GCA: variants seen among roughly 807,000 people sequenced by gnomAD.
GCA encodes grancalcin, also known as grancalcin, EF-hand calcium-binding protein.
A neutral mutation model predicts 32.6 loss-of-function variants in GCA; 30 were observed. The ratio of observed to expected loss-of-function variants is 0.92; its 90% confidence interval spans 0.69 to 1.25. The LOEUF is 1.25. Among genes scored for constraint, GCA ranks in the 50% most tolerant of loss-of-function variants. GCA has a pLI of 0.00. For synonymous variants in GCA, 102 were observed against 84.6 expected (o/e 1.21, Z -1.13); for missense variants, 291 against 266.8 (o/e 1.09, Z -0.63).
chr2:162,364,217 AT>A (rs1312836748), downstream of GCA, among the ~76,000 whole-genome samples: 1 of 151,664 alleles, frequency 6.6e-6, no homozygotes. Context: ...GTATTATTGA[AT>A]CAAATTTCAT....
At chr2:162,375,084 C>A (rs1485788255), downstream of GCA, among the ~76,000 whole-genome samples, 1 of 152,156 alleles carries the variant, frequency 6.6e-6, no homozygotes, top group Non-Finnish European at 1.5e-5. Flanking sequence ...ATCCCAAAAT[C>A]TTTCCTTATT....
downstream of GCA, among the ~76,000 whole-genome samples, chr2:162,363,857 A>G (rs1331633797): frequency 6.6e-6 from 1 of 151,486 alleles, no homozygotes; most frequent in Non-Finnish European, 1.5e-5. Flanking sequence ...GCGAGTATTC[A>G]GGACTCAGGT....
At chr2:162,373,689 G>A, downstream of GCA, 1 of 1,421,858 alleles carries the variant, frequency 7.0e-7, no homozygotes, top group Non-Finnish European at 9.3e-7. Flanking sequence ...AGTAGGAAAA[G>A]ACAGTCTAAA....
At chr2:162,373,662 C>A, downstream of GCA, 2 of 1,481,036 alleles carry the variant, frequency 1.4e-6, no homozygotes, top group South Asian at 1.4e-5. Flanking sequence ...GGGATTCAAG[C>A]CTACAGAACA....
chr2:162,322,630 T>A (rs1378377486), intron 1 of GCA, among the ~76,000 whole-genome samples: 1 of 146,028 alleles, frequency 6.8e-6, no homozygotes, highest in Non-Finnish European at 1.5e-5. Context: ...ATTGTTCAAT[T>A]CCCACCTATG....
At chr2:162,338,365 G>T (rs1250672407) in intron 1 of GCA, among the ~76,000 whole-genome samples, 1 of 152,136 alleles carries the variant, frequency 6.6e-6, no homozygotes, top group Non-Finnish European at 1.5e-5. Context: ...TTGATGAAAC[G>T]ATTTTTAATT....
At chr2:162,325,195 A>G (rs150819770) in intron 1 of GCA, among the ~76,000 whole-genome samples, 3 of 152,266 alleles carry the variant, frequency 2.0e-5, no homozygotes, top group South Asian at 4.2e-4. Flanking sequence ...AAGGGAGGTA[A>G]CTGTTGTTGC....
chr2:162,344,274 G>A lies in GCA; in HGVS notation c.26G>A (p.Gly9Glu), dbSNP rs981859315. Residue 9 changes from glycine (G) to glutamate (E), a missense_variant and splice_region_variant, in exon 1 of 8, where the codon GGG becomes GAG. Coordinates refer to ENST00000437150, the MANE Select transcript of GCA (RefSeq NM_012198.5). ...ATGGCCTACCCGGGATACGGAGGAG[G>A]GGTGAGTCCCAGCCGCTTGGTCGTG... MAYPGYGG[G>E]FGNFSIQVPG... 1.9e-6 allele frequency: 3 copies of A among 1,613,694 alleles called. No individual in the cohort carries two copies. The highest frequency in any genetic ancestry group is 2.5e-6 in the Non-Finnish European group (3 of 1,179,850).
chr2:162,373,595 C>A, downstream of GCA: 1 of 1,576,918 alleles, frequency 6.3e-7, no homozygotes, highest in Non-Finnish European at 8.6e-7. Flanking sequence ...GCTGGGGGGA[C>A]CACAGTGGTT....
At chr2:162,367,897 A>G (rs1351907545), downstream of GCA, among the ~76,000 whole-genome samples, 1 of 152,014 alleles carries the variant, frequency 6.6e-6, no homozygotes, top group Non-Finnish European at 1.5e-5. Flanking sequence ...TTAGAGATTC[A>G]AGAAAAAGAC....
intron 2 of GCA, among the ~76,000 whole-genome samples, chr2:162,348,417 A>AT (rs1377338339): frequency 6.6e-6 from 1 of 152,132 alleles, no homozygotes; most frequent in African/African-American, 2.4e-5. Context: ...GAGAAATTAC[A>AT]TTTTTTTCAC....
chr2:162,340,622 C>T (rs991267778), upstream of GCA, among the ~76,000 whole-genome samples: 1 of 152,158 alleles, frequency 6.6e-6, no homozygotes, highest in Non-Finnish European at 1.5e-5. Context: ...CTCCGTATCA[C>T]AACCAGAGTA....
intron 1 of GCA, among the ~76,000 whole-genome samples, chr2:162,325,657 T>G (rs1683847805): frequency 6.6e-6 from 1 of 152,148 alleles, no homozygotes; most frequent in African/African-American, 2.4e-5. Flanking sequence ...CTCTTCCGGT[T>G]GGATAATGTT....
intron 5 of GCA, 91 bp downstream of exon 5, chr2:162,356,996 AG>A (rs769280690): frequency 4.1e-4 from 366 of 902,556 alleles, no homozygotes; most frequent in Non-Finnish European, 4.2e-4. Context: ...TAACTAATAA[AG>A]GGATGTATTT....
In GCA at chr2:162,352,722, T is replaced by C. The variant is rs78687150; in HGVS notation, c.262+315T>C. Reference sequence around the variant, plus strand: ...TGGATTTTATGATTATCTATTGATATCCTGCTATGAAAGATGAGGATTTCA... The same window carrying C: ...TGGATTTTATGATTATCTATTGATACCCTGCTATGAAAGATGAGGATTTCA... On this transcript the variant is annotated intron_variant, in intron 3 of 7. Transcript: ENST00000437150. 5.6e-3 allele frequency among the ~76,000 whole-genome samples: 854 copies of C among 152,324 alleles called. 8 individuals are homozygous for C. Among genetic ancestry groups the C allele is most frequent in the African/African-American group, 0.02 (815 of 41,590 alleles).
chr2:162,361,882 T>C lies in GCA; in HGVS notation c.*1639T>C, dbSNP rs1685587006. The C allele has an allele frequency of 1.0e-6, 1 of 984,450 alleles. No individual in the cohort carries two copies. Among genetic ancestry groups the C allele is most frequent in the African/African-American group, 1.8e-5 (1 of 57,142 alleles). 61.0% of individuals were successfully genotyped at this position (984,450 alleles called of 1,614,324 possible). ...ATGGTGATAATGTCGCTCAGCAACCTGTAATCTTAACATCCAGGTTATACA... is the reference window on the plus strand; with the variant it reads ...ATGGTGATAATGTCGCTCAGCAACCCGTAATCTTAACATCCAGGTTATACA... On this transcript the variant is annotated 3_prime_UTR_variant, in exon 8 of 8. Transcript: ENST00000437150.
At chr2:162,360,183 T>G (rs761947177) in intron 7 of GCA, 34 bp from the exon 8 acceptor site, 1 of 1,273,762 alleles carries the variant, frequency 7.9e-7, no homozygotes, top group South Asian at 1.3e-5. Flanking sequence ...AACCATTTTA[T>G]TCTTAATAGA....
Position 162,323,706 on chromosome 2 carries a change from A to C in GCA, c.-31+4481A>C, listed in dbSNP as rs952599152. ...CTTGTTTTTCTCAGGTTTGTCAAAG[A>C]TCAGATAGTTGTAGATATGTGGCAT... is the stretch of plus-strand genomic sequence containing the variant. On this transcript the variant is annotated intron_variant, in intron 1 of 4. Coordinates refer to the GCA transcript ENST00000429691. Among the ~76,000 whole-genome samples the C allele has an allele frequency of 5.7e-4, 87 of 151,974 alleles. 2 individuals carry two copies. Among genetic ancestry groups the C allele is most frequent in the African/African-American group, 2.0e-3 (83 of 41,260 alleles).
chr2:162,320,692 C>G (rs946533056), intron 1 of GCA, among the ~76,000 whole-genome samples: 1 of 152,112 alleles, frequency 6.6e-6, no homozygotes, highest in Non-Finnish European at 1.5e-5. Context: ...ATCATCTAGT[C>G]ATTTAAAATA....
Sources: gnomAD v4.1 joint callset for allele counts (sites outside exome capture counted in the v4.1 genomes callset) on GRCh38, gnomAD v4.1.1 for gene constraint, MANE v1.5 for transcripts, NCBI Gene and HGNC (gene_info 2026-07-23, HGNC 2026-07-21) for gene names.